The following AFF1 variants were observed in gnomAD, a reference collection of about 807,000 sequenced individuals.
The protein encoded by AFF1 is ALF transcription elongation factor 1, also known as AF4/FMR2 family member 1.
AFF1 carries 48 observed loss-of-function variants against 121.7 expected under a neutral mutation model. The observed-to-expected ratio is 0.39, with a 90% CI of 0.31 to 0.50. The LOEUF (loss-of-function observed/expected upper bound fraction) is 0.50. AFF1 is among the 20% of genes least tolerant of loss of function. The pLI, the probability that AFF1 is intolerant of heterozygous loss-of-function variation, is 0.76. For synonymous variants in AFF1, 613 were observed against 563.0 expected (o/e 1.09, Z -1.26); for missense variants, 1,523 against 1,511.7 (o/e 1.01, Z -0.12).
At chr4:87,039,361 T>C (rs772564328) in intron 2 of AFF1, among the ~76,000 whole-genome samples, 1 of 152,202 alleles carries the variant, frequency 6.6e-6, no homozygotes, top group Non-Finnish European at 1.5e-5. Flanking sequence ...ACTAAATGAC[T>C]GTATTGAGGG....
At chr4:86,982,348 A>G (rs1723814674) in intron 2 of AFF1, among the ~76,000 whole-genome samples, 1 of 149,862 alleles carries the variant, frequency 6.7e-6, no homozygotes, top group Non-Finnish European at 1.5e-5. Flanking sequence ...AAATTATATG[A>G]CAAGAAGAAG....
In AFF1 at chr4:87,134,646, G is replaced by A. The variant is rs757530705; in HGVS notation, c.3487G>A (p.Ala1163Thr). Residue 1163 changes from alanine to threonine, a missense_variant, in exon 20 of 21, where the codon GCC becomes ACC. Ala to Thr is a moderately conservative substitution (Grantham distance 58, BLOSUM62 0). Transcript: ENST00000395146. ...YVTITSHVLT[A>T]FDLWEQAEAL... is the part of the protein sequence containing the mutation. ...CACCATCACATCCCATGTTCTTACC[G>A]CCTTTGACCTTTGGGAACAGGCCGA... 2 of 1,613,920 alleles carry A rather than the reference G, an allele frequency of 1.2e-6. No homozygotes were observed. The highest frequency in any genetic ancestry group is 1.7e-6 in the Non-Finnish European group (2 of 1,180,016).
intron 7 of AFF1, among the ~76,000 whole-genome samples, chr4:87,094,461 A>C (rs1396873216): frequency 6.6e-6 from 1 of 152,222 alleles, no homozygotes; most frequent in Non-Finnish European, 1.5e-5. Flanking sequence ...GAATGAATGA[A>C]TTGCAGGTGG....
Position 87,134,477 on chromosome 4 carries a change from A to G in AFF1, c.3318A>G (p.Thr1106=), listed in dbSNP as rs766747125. ...QAPSPCIARS[T]GTPSPLSPMP... is the part of the protein sequence containing the mutation. Reference sequence around the variant, plus strand: ...CTTCTCTTCCACCTCCCAGAAGCACAGGCACACCATCCCCTCTTTCCCCAA... The same window carrying G: ...CTTCTCTTCCACCTCCCAGAAGCACGGGCACACCATCCCCTCTTTCCCCAA... The change falls in exon 20 of 21, where the codon ACA becomes ACG. Residue 1106 remains threonine (T), a synonymous_variant. Transcript: ENST00000395146. 1.9e-6 allele frequency: 3 copies of G among 1,596,884 alleles called. No homozygotes were observed. The highest frequency in any genetic ancestry group is 2.6e-6 in the Non-Finnish European group (3 of 1,171,990).
intron 4 of AFF1, among the ~76,000 whole-genome samples, chr4:87,077,412 T>C (rs1409421783): frequency 1.3e-5 from 2 of 152,222 alleles, no homozygotes; most frequent in African/African-American, 4.8e-5. Flanking sequence ...GTAAGTTACA[T>C]AGAGGAAGGC....
intron 2 of AFF1, among the ~76,000 whole-genome samples, chr4:86,994,156 AAAG>A (rs1484886152): frequency 6.6e-6 from 1 of 152,210 alleles, no homozygotes; most frequent in African/African-American, 2.4e-5. Flanking sequence ...AGGCACTAAA[AAAG>A]AGTCCCCCTA....
At chr4:87,060,911 A>G (rs1302728715) in intron 4 of AFF1, among the ~76,000 whole-genome samples, 4 of 151,446 alleles carry the variant, frequency 2.6e-5, no homozygotes, top group African/African-American at 9.7e-5. Flanking sequence ...TGACCCTGAA[A>G]TTGCCTGACT....
intron 2 of AFF1, among the ~76,000 whole-genome samples, chr4:86,982,725 G>C (rs930709575): frequency 1.3e-5 from 2 of 151,668 alleles, no homozygotes; most frequent in Non-Finnish European, 2.9e-5. Context: ...GCAGGTCTCT[G>C]TAATCCCAGC....
At position 87,090,041 on chromosome 4, in the gene AFF1, G is replaced by C; in HGVS notation, c.1162G>C (p.Glu388Gln). 1 of 1,613,766 alleles carries C rather than the reference G, an allele frequency of 6.2e-7. No individual in the cohort carries two copies. The highest frequency in any genetic ancestry group is 8.5e-7 in the Non-Finnish European group (1 of 1,179,910). Residue 388 changes from glutamate (E) to glutamine (Q), a missense_variant, in exon 6 of 21, where the codon GAG (glutamate) becomes CAG (glutamine). Transcript: ENST00000395146. ...LTAIHTPSTA[E>Q]PSKFPFPTKD... The stretch of plus-strand genomic sequence containing the variant: ...AGCAATACATACGCCTAGTACAGCT[G>C]AGCCATCCAAGTTTCCTTTCCCTAC...
At chr4:87,036,727 A>G (rs1329876291) in intron 2 of AFF1, 3 of 476,478 alleles carry the variant, frequency 6.3e-6, no homozygotes, top group Non-Finnish European at 1.3e-5. Context: ...AAAATGGGTT[A>G]TATTAACTAC....
intron 1 of AFF1, among the ~76,000 whole-genome samples, chr4:86,943,236 G>T (rs1720595594): frequency 6.6e-6 from 1 of 152,226 alleles, no homozygotes; most frequent in Non-Finnish European, 1.5e-5. Context: ...TTCTGAGCTT[G>T]TGAGGTCCAT....
chr4:87,043,223 T>C (rs1391050820), intron 2 of AFF1, among the ~76,000 whole-genome samples: 3 of 152,152 alleles, frequency 2.0e-5, no homozygotes, highest in African/African-American at 7.2e-5. Context: ...AAGTGGCATA[T>C]CAGAGAGGGG....
intron 2 of AFF1, among the ~76,000 whole-genome samples, chr4:86,989,138 A>T (rs977756062): frequency 2.0e-4 from 31 of 152,354 alleles, no homozygotes; most frequent in African/African-American, 5.8e-4. Flanking sequence ...CAAAGACTTC[A>T]TGACTAAAAC....
At chr4:86,949,816 G>A (rs1721168278) in intron 2 of AFF1, 1 of 1,613,986 alleles carries the variant, frequency 6.2e-7, no homozygotes, top group East Asian at 2.2e-5. Flanking sequence ...GCGTCATGAT[G>A]GCGAAACCGA....
At chr4:86,998,496 G>T (rs1442775595) in intron 2 of AFF1, among the ~76,000 whole-genome samples, 1 of 152,272 alleles carries the variant, frequency 6.6e-6, no homozygotes, top group East Asian at 1.9e-4. Context: ...AGAAAATAAC[G>T]TCATCTGACT....
chr4:87,126,469 A>G (rs1728260261), intron 14 of AFF1, 133 bp downstream of exon 14: 1 of 793,134 alleles, frequency 1.3e-6, no homozygotes, highest in Non-Finnish European at 2.0e-6. Context: ...GTTTGTGTTT[A>G]AAATGCTACT....
rs1729628679 is a variant in AFF1 at position 87,140,455 on chromosome 4, T to TA, written c.*4754_*4755insA. 1 of 168,940 alleles carries TA rather than the reference T, an allele frequency of 5.9e-6. No homozygotes were observed. Among genetic ancestry groups the TA allele is most frequent in the Non-Finnish European group, 1.2e-5 (1 of 81,636 alleles). 10.5% of individuals were successfully genotyped at this position (168,940 alleles called of 1,614,324 possible). On this transcript the variant is annotated 3_prime_UTR_variant, in exon 21 of 21. Transcript: ENST00000395146. ...TGATACCTGAGCAGGGTTGCCTTTT[T>TA]TTTATTTATTACCATTATATATTAT...
At chr4:87,086,117 C>T (rs1485662284) in intron 5 of AFF1, among the ~76,000 whole-genome samples, 1 of 152,196 alleles carries the variant, frequency 6.6e-6, no homozygotes, top group Non-Finnish European at 1.5e-5. Flanking sequence ...ACCTCGATTA[C>T]ATTTTTTATC....
intron 5 of AFF1, 129 bp from the exon 6 acceptor site, chr4:87,089,855 T>A: frequency 2.6e-5 from 15 of 587,196 alleles, no homozygotes; most frequent in East Asian, 3.2e-5. Context: ...TTTAAGTACA[T>A]GAAATAACTT....
Sources: allele counts gnomAD v4.1 joint callset (sites outside exome capture counted in the v4.1 genomes callset), GRCh38; gene constraint gnomAD v4.1.1; transcripts MANE v1.5; gene names NCBI Gene and HGNC (gene_info 2026-07-23, HGNC 2026-07-21).